The following LRP1B variants were observed in gnomAD, a reference collection of about 807,000 sequenced individuals.
LRP1B encodes the protein LDL receptor related protein 1B.
Under a neutral mutation model 556.6 loss-of-function variants are expected in LRP1B, and 217 were observed. The ratio of observed to expected loss-of-function variants is 0.39; its 90% confidence interval spans 0.35 to 0.44. The LOEUF is 0.44. Ranked by LOEUF, LRP1B falls within the 20% of genes least tolerant of loss-of-function variation. The pLI, the probability that LRP1B is intolerant of heterozygous loss-of-function variation, is 1.00. For missense variants in LRP1B, 5,053 were observed against 5,620.8 expected (o/e 0.90, Z 3.23); for synonymous variants, 2,047 against 1,865.8 (o/e 1.10, Z -2.50).
rs188408566 is a variant in LRP1B, at chr2:141,815,300, A to C, written c.83-4899T>G. On this transcript the variant is annotated intron_variant, in intron 1 of 90. Transcript: ENST00000389484. ...GTGTTTTCTCAAGGAACTGAGAAGC[A>C]GGATTAGTTTTAGAAATTTGAAGAA... Among the ~76,000 whole-genome samples, 3 of 152,348 alleles carry C rather than the reference A, an allele frequency of 2.0e-5. No individual in the cohort carries two copies. The East Asian group carries it at 5.8e-4, about 29-fold the overall frequency.
intron 2 of LRP1B, among the ~76,000 whole-genome samples, chr2:141,666,258 T>C (rs1690428580): frequency 6.6e-6 from 1 of 152,162 alleles, no homozygotes; most frequent in Admixed American, 6.5e-5. Context: ...GGCAACAATG[T>C]TATCTTGTAT....
chr2:140,387,934 C>CTTTTTTT (rs536602296), intron 66 of LRP1B, among the ~76,000 whole-genome samples: 1 of 138,398 alleles, frequency 7.2e-6, no homozygotes. Context: ...CTTGTACTTT[C>CTTTTTTT]TTTTTTTTTT....
At chr2:140,807,473 T>C (rs1453008605) in intron 32 of LRP1B, among the ~76,000 whole-genome samples, 6 of 151,172 alleles carry the variant, frequency 4.0e-5, no homozygotes, top group African/African-American at 1.5e-4. Context: ...ACTGAGTAGC[T>C]GGGATTACAG....
chr2:141,669,641 A>T (rs1690585318), intron 2 of LRP1B, among the ~76,000 whole-genome samples: 1 of 152,150 alleles, frequency 6.6e-6, no homozygotes, highest in Non-Finnish European at 1.5e-5. Flanking sequence ...AAAGCCTGAG[A>T]ACAAATTCCC....
intron 2 of LRP1B, among the ~76,000 whole-genome samples, chr2:141,783,288 T>C (rs977529445): frequency 1.3e-5 from 2 of 152,044 alleles, no homozygotes; most frequent in Non-Finnish European, 2.9e-5. Context: ...ATTACTCAAA[T>C]AGAAGATCAG....
At chr2:140,969,142 C>A (rs1696328683) in intron 18 of LRP1B, among the ~76,000 whole-genome samples, 2 of 152,068 alleles carry the variant, frequency 1.3e-5, no homozygotes, top group African/African-American at 4.8e-5. Flanking sequence ...TTAAAGTCTC[C>A]CATTATTATT....
chr2:140,473,912 G>T (rs1375222581), intron 60 of LRP1B, among the ~76,000 whole-genome samples: 1 of 151,892 alleles, frequency 6.6e-6, no homozygotes, highest in Non-Finnish European at 1.5e-5. Flanking sequence ...ACTTTTAAAT[G>T]CTAGGTGTGA....
chr2:142,000,135 A>G (rs1296792958), intron 1 of LRP1B, among the ~76,000 whole-genome samples: 4 of 152,106 alleles, frequency 2.6e-5, no homozygotes, highest in African/African-American at 4.8e-5. Flanking sequence ...TTATATGTTA[A>G]TTGAAGGCCT....
At chr2:141,416,132 T>C (rs1217338573) in intron 3 of LRP1B, among the ~76,000 whole-genome samples, 1 of 152,178 alleles carries the variant, frequency 6.6e-6, no homozygotes, top group Non-Finnish European at 1.5e-5. Context: ...TTGATCAATA[T>C]ATGCAGTGAA....
chr2:140,417,509 T>A (rs1685250248), intron 66 of LRP1B, among the ~76,000 whole-genome samples: 1 of 152,238 alleles, frequency 6.6e-6, no homozygotes, highest in South Asian at 2.1e-4. Context: ...GGCTTGTTTT[T>A]GTGCAATACA....
intron 43 of LRP1B, among the ~76,000 whole-genome samples, chr2:140,578,107 C>T (rs1681606077): frequency 1.3e-5 from 2 of 152,120 alleles, no homozygotes; most frequent in Admixed American, 1.3e-4. Flanking sequence ...TTGAAAATTA[C>T]CAATGAGCAT....
Position 140,577,378 on chromosome 2 carries a change from G to T in LRP1B, c.7194+21253C>A, listed in dbSNP as rs571581640. Among the ~76,000 whole-genome samples, 305 of 151,958 alleles carry T rather than the reference G, an allele frequency of 2.0e-3. 3 individuals carry two copies. The highest frequency in any genetic ancestry group is 6.9e-3 in the African/African-American group (285 of 41,472). ...CGCACCTGTAGTCCCAGCTACTCGG[G>T]AGGCTGAGGCAGGAGAATCGCTTGA... On this transcript the variant is annotated intron_variant, in intron 43 of 90. Transcript: ENST00000389484.
intron 66 of LRP1B, among the ~76,000 whole-genome samples, chr2:140,392,317 C>T (rs1195713130): frequency 6.6e-6 from 1 of 152,104 alleles, no homozygotes; most frequent in African/African-American, 2.4e-5. Flanking sequence ...TTCAACCTGG[C>T]AATCTAAACG....
intron 3 of LRP1B, among the ~76,000 whole-genome samples, chr2:141,475,485 G>A (rs1682664951): frequency 6.6e-6 from 1 of 152,100 alleles, no homozygotes; most frequent in Non-Finnish European, 1.5e-5. Context: ...CAGGAGGGAG[G>A]GAAATCCTGG....
intron 35 of LRP1B, among the ~76,000 whole-genome samples, chr2:140,731,691 C>T (rs142744997): frequency 0.012 from 1,797 of 147,454 alleles, 46 homozygotes; most frequent in African/African-American, 0.043. Context: ...TCACTTGAAC[C>T]CGGGAGACGG....
rs556432626 is a variant in LRP1B, at chr2:141,862,375, G to A, written c.83-51974C>T. The stretch of plus-strand genomic sequence containing the variant: ...ACATTAAATTACTAGAATTGGATCC[G>A]CATATTGCCATAAACACCAATAAAA... On this transcript the variant is annotated intron_variant, in intron 1 of 90. Transcript: ENST00000389484. Among the ~76,000 whole-genome samples the A allele has an allele frequency of 5.3e-5, 8 of 151,986 alleles. No individual in the cohort carries two copies. The East Asian group carries it at 1.4e-3, about 26-fold the overall frequency.
intron 43 of LRP1B, among the ~76,000 whole-genome samples, chr2:140,581,418 A>G (rs768475216): frequency 6.6e-6 from 1 of 151,856 alleles, no homozygotes; most frequent in Non-Finnish European, 1.5e-5. Context: ...GCTTGCACAC[A>G]CTATTGCTTC....
chr2:142,107,721 G>A (rs945143332), intron 1 of LRP1B, among the ~76,000 whole-genome samples: 1 of 151,518 alleles, frequency 6.6e-6, no homozygotes, highest in African/African-American at 2.4e-5. Flanking sequence ...TCCGCCTCCT[G>A]GGTTCAAGCG....
intron 1 of LRP1B, among the ~76,000 whole-genome samples, chr2:141,883,569 C>CA (rs1362698663): frequency 6.6e-6 from 1 of 151,920 alleles, no homozygotes; most frequent in East Asian, 1.9e-4. Flanking sequence ...AAAACAACAA[C>CA]AAAAAATAGT....
Sources: gnomAD v4.1 joint callset for allele counts (sites outside exome capture counted in the v4.1 genomes callset) on GRCh38, gnomAD v4.1.1 for gene constraint, MANE v1.5 for transcripts, NCBI Gene and HGNC (gene_info 2026-07-23, HGNC 2026-07-21) for gene names.